ZNRF3: variants seen among roughly 807,000 people sequenced by gnomAD.
ZNRF3 encodes the protein zinc and ring finger 3, also known as E3 ubiquitin-protein ligase ZNRF3.
Under a neutral mutation model 72.5 loss-of-function variants are expected in ZNRF3, and 23 were observed. The ratio of observed to expected loss-of-function variants is 0.32; its 90% CI spans 0.23 to 0.45. The LOEUF (loss-of-function observed/expected upper bound fraction) is 0.45. Among genes scored for constraint, ZNRF3 ranks in the 20% least tolerant of loss-of-function variants. ZNRF3 has a pLI of 1.00. For missense variants in ZNRF3, 1,169 were observed against 1,272.1 expected (o/e 0.92, Z 1.23); for synonymous variants, 610 against 545.3 (o/e 1.12, Z -1.65).
In ZNRF3 at chr22:28,986,459, G is replaced by C. The variant is rs146807845; in HGVS notation, c.301-617G>C. Among the ~76,000 whole-genome samples, 45 of 152,308 alleles carry C rather than the reference G, an allele frequency of 3.0e-4. 1 individual carries two copies. In the East Asian group the frequency reaches 3.9e-3, roughly 13 times the overall value. ...TGGTTTGACTGCACTTTCACACACAGAAATTTGACACTGCTTATCTGCCCA... is the reference window on the plus strand; with the variant it reads ...TGGTTTGACTGCACTTTCACACACACAAATTTGACACTGCTTATCTGCCCA... On this transcript the variant is annotated intron_variant, in intron 1 of 8. Coordinates refer to ENST00000544604, the MANE Select transcript of ZNRF3 (RefSeq NM_001206998.2).
intron 1 of ZNRF3, among the ~76,000 whole-genome samples, chr22:28,956,881 A>G (rs890455433): frequency 6.6e-6 from 1 of 152,194 alleles, no homozygotes; most frequent in African/African-American, 2.4e-5. Flanking sequence ...AGGCCTAATA[A>G]GCATGGCTCT....
rs373735115 is a variant in ZNRF3 at position 29,042,584 on chromosome 22, C to T, written c.501+15C>T. 1 of 1,611,936 alleles carries T rather than the reference C, an allele frequency of 6.2e-7. No individual in the cohort carries two copies. ...CTATTGATCAGGTAAGCTCCTCAGG[C>T]CATGCCAACACTGCAGCCTCCCTGA... On this transcript the variant is annotated intron_variant, in intron 3 of 8. Coordinates refer to ENST00000544604, the MANE Select transcript of ZNRF3 (RefSeq NM_001206998.2).
chr22:29,025,885 G>T (rs564428376), intron 2 of ZNRF3: 1 of 152,332 alleles, frequency 6.6e-6, no homozygotes, highest in South Asian at 2.1e-4. Context: ...CCCGAAAGGG[G>T]CATTGATGGG....
intron 1 of ZNRF3, among the ~76,000 whole-genome samples, chr22:28,889,825 A>AG (rs1438489555): frequency 6.6e-6 from 1 of 152,208 alleles, no homozygotes; most frequent in East Asian, 1.9e-4. Flanking sequence ...TCCGTTTCAT[A>AG]GTTCATTGAA....
chr22:29,051,482 T>C (rs573227064), intron 8 of ZNRF3, among the ~76,000 whole-genome samples: 1 of 152,096 alleles, frequency 6.6e-6, no homozygotes, highest in Non-Finnish European at 1.5e-5. Flanking sequence ...CGGGTGCCTG[T>C]AGTCCCAGCT....
chr22:29,055,092 T>C lies in ZNRF3; in HGVS notation c.*1470T>C, dbSNP rs1204936290. On this transcript the variant is annotated 3_prime_UTR_variant, in exon 9 of 9. Transcript: ENST00000544604. ...GAGAGTTTAAAAACCCAAACCGTTG[T>C]GGTTTTAAGGTGTTTCATTTTTAAA... The C allele has an allele frequency of 1.3e-5, 2 of 152,764 alleles. No homozygotes were observed. Among genetic ancestry groups the C allele is most frequent in the African/African-American group, 2.4e-5 (1 of 41,454 alleles). 9.5% of individuals were successfully genotyped at this position (152,764 alleles called of 1,614,324 possible). A position where few individuals can be genotyped will look rare whatever the true frequency, so the allele number is the denominator to read the frequency against.
chr22:28,987,789 T>A (rs2035883136), intron 2 of ZNRF3, among the ~76,000 whole-genome samples: 1 of 151,952 alleles, frequency 6.6e-6, no homozygotes, highest in Non-Finnish European at 1.5e-5. Context: ...CCAAGTAAGT[T>A]ATGGGAAAAT....
intron 1 of ZNRF3, among the ~76,000 whole-genome samples, chr22:28,980,764 T>C (rs1268076180): frequency 1.3e-5 from 2 of 152,230 alleles, no homozygotes; most frequent in African/African-American, 4.8e-5. Flanking sequence ...AAGTTTTTCT[T>C]GTCTTCTCAT....
intron 1 of ZNRF3, among the ~76,000 whole-genome samples, chr22:28,929,120 GAA>G (rs1472712620): frequency 2.6e-5 from 4 of 152,222 alleles, no homozygotes; most frequent in Non-Finnish European, 5.9e-5. Flanking sequence ...TGTGGTCTTT[GAA>G]AGTTCTTGCT....
At chr22:29,027,570 C>T (rs933035628) in intron 2 of ZNRF3, among the ~76,000 whole-genome samples, 4 of 152,132 alleles carry the variant, frequency 2.6e-5, no homozygotes, top group Admixed American at 1.3e-4. Flanking sequence ...TTAATAAGCT[C>T]CCCCAGGCAT....
chr22:28,993,612 G>A (rs1321541995), intron 2 of ZNRF3, among the ~76,000 whole-genome samples: 2 of 152,212 alleles, frequency 1.3e-5, no homozygotes, highest in Non-Finnish European at 2.9e-5. Flanking sequence ...TTTTCAAAGT[G>A]ATTGGGAGAG....
rs950363253 is a variant in ZNRF3 at position 28,883,874 on chromosome 22, G to A, written c.108G>A (p.Pro36=). 55 of 1,016,972 alleles carry A rather than the reference G, an allele frequency of 5.4e-5. No homozygotes were observed. The highest frequency in any genetic ancestry group is 5.8e-5 in the Non-Finnish European group (50 of 855,400). The allele number at this position is 1,016,972 out of a possible 1,614,324, so 63.0% of individuals were successfully genotyped here. ...GCAGCCGCCTGCCGCCGCCGCCGCCGCTGCCGCTGCTGCTCGGGCTGCTGC... is the reference window on the plus strand; with the variant it reads ...GCAGCCGCCTGCCGCCGCCGCCGCCACTGCCGCTGCTGCTCGGGCTGCTGC... ...LRCSRLPPPP[P]LPLLLGLLLA... Residue 36 remains proline, a synonymous_variant, in exon 1 of 9, where the codon CCG becomes CCA. Transcript: ENST00000544604. The surrounding 1 kb of genome is among the most constrained non-coding windows in gnomAD (Gnocchi z 5.5).
At chr22:28,897,258 T>G (rs1455248567) in intron 1 of ZNRF3, among the ~76,000 whole-genome samples, 1 of 152,204 alleles carries the variant, frequency 6.6e-6, no homozygotes, top group Non-Finnish European at 1.5e-5. Context: ...TGGGCCTGTG[T>G]GTTGCTGTCC....
chr22:28,971,390 A>C (rs1188107774), intron 1 of ZNRF3, among the ~76,000 whole-genome samples: 2 of 152,166 alleles, frequency 1.3e-5, no homozygotes, highest in Non-Finnish European at 2.9e-5. Flanking sequence ...TGAAGAAAAA[A>C]GGGAACTTTA....
chr22:29,045,362 C>CAAAAAAA (rs59285656), intron 5 of ZNRF3, among the ~76,000 whole-genome samples: 7 of 97,590 alleles, frequency 7.2e-5, no homozygotes, highest in African/African-American at 2.4e-4. Flanking sequence ...CCCTGTCTCA[C>CAAAAAAA]AAAAAAAAAA....
intron 2 of ZNRF3, among the ~76,000 whole-genome samples, chr22:28,998,181 C>T (rs996938921): frequency 7.2e-5 from 11 of 151,772 alleles, no homozygotes; most frequent in African/African-American, 2.7e-4. Context: ...CACCTGTAAT[C>T]CCAGCTACTC....
chr22:28,951,634 A>C (rs1337272405), intron 1 of ZNRF3, among the ~76,000 whole-genome samples: 1 of 152,162 alleles, frequency 6.6e-6, no homozygotes. Flanking sequence ...TAGTTCGTTA[A>C]GGCAGCCCTG....
At chr22:28,901,589 A>G (rs547500689) in intron 1 of ZNRF3, among the ~76,000 whole-genome samples, 1 of 148,060 alleles carries the variant, frequency 6.8e-6, no homozygotes, top group South Asian at 2.1e-4. Context: ...TGACTGGCGC[A>G]TGGAGTCCTC....
intron 2 of ZNRF3, among the ~76,000 whole-genome samples, chr22:29,038,120 T>G (rs2036897025): frequency 6.6e-6 from 1 of 152,212 alleles, no homozygotes; most frequent in Admixed American, 6.5e-5. Context: ...GTTAAGTATG[T>G]GACTTAAAGA....
Sources: allele counts gnomAD v4.1 joint callset (sites outside exome capture counted in the v4.1 genomes callset), GRCh38; gene constraint gnomAD v4.1.1; non-coding constraint Gnocchi (gnomAD v3.1); transcripts MANE v1.5; gene names NCBI Gene and HGNC (gene_info 2026-07-23, HGNC 2026-07-21).